SHC3: variants seen among roughly 807,000 people sequenced by gnomAD.
The protein encoded by SHC3 is SHC-transforming protein 3.
A neutral mutation model predicts 60.4 loss-of-function variants in SHC3; 15 were observed. The ratio of observed to expected loss-of-function variants is 0.25; its 90% CI spans 0.17 to 0.38. SHC3 has a LOEUF of 0.38. Ranked by LOEUF, SHC3 falls within the 10% of genes least tolerant of loss-of-function variation. The pLI is 1.00. For missense variants in SHC3, 677 were observed against 786.1 expected, an observed-to-expected ratio of 0.86 and a Z score of 1.66; for synonymous variants, 294 against 325.9, an observed-to-expected ratio of 0.90 and a Z score of 1.05.
chr9:89,117,026 T>C (rs1304162330), intron 1 of SHC3, among the ~76,000 whole-genome samples: 1 of 152,196 alleles, frequency 6.6e-6, no homozygotes, highest in African/African-American at 2.4e-5. Context: ...CAACCGAGTT[T>C]GCAGATTTAT....
At chr9:89,043,768 TC>T (rs1447870401) in intron 9 of SHC3, among the ~76,000 whole-genome samples, 1 of 152,052 alleles carries the variant, frequency 6.6e-6, no homozygotes, top group Non-Finnish European at 1.5e-5. Context: ...TTCTCCTGCC[TC>T]AGCCTCCCGA....
intron 10 of SHC3, among the ~76,000 whole-genome samples, chr9:89,040,476 G>A (rs1181008318): frequency 1.3e-5 from 2 of 151,942 alleles, no homozygotes; most frequent in African/African-American, 2.4e-5. Context: ...GGTAGCTCTG[G>A]TTCTCATTTT....
chr9:89,028,757 C>G (rs972528906), intron 11 of SHC3, among the ~76,000 whole-genome samples: 3 of 143,844 alleles, frequency 2.1e-5, no homozygotes, highest in Admixed American at 7.0e-5. Flanking sequence ...TATATTCTCT[C>G]TATATATATA....
At chr9:89,035,862 T>TA (rs1491088730) in intron 11 of SHC3, among the ~76,000 whole-genome samples, 16,066 of 102,194 alleles carry the variant, frequency 0.16, 1,915 homozygotes, top group East Asian at 0.63. Flanking sequence ...TGTGTGTGTG[T>TA]GTGTGTGTGT....
intron 1 of SHC3, among the ~76,000 whole-genome samples, chr9:89,155,024 T>C (rs1826601935): frequency 6.6e-6 from 1 of 152,256 alleles, no homozygotes; most frequent in Non-Finnish European, 1.5e-5. Flanking sequence ...CTAAGCTGGC[T>C]GCTCAGTCTT....
chr9:89,043,721 C>T (rs936348539), intron 9 of SHC3, among the ~76,000 whole-genome samples: 5 of 151,606 alleles, frequency 3.3e-5, no homozygotes, highest in Non-Finnish European at 5.9e-5. Flanking sequence ...GGCATGATCT[C>T]GGCTCACTGC....
At chr9:89,071,157 A>C (rs372711663) in intron 5 of SHC3, 42 bp downstream of exon 5, 5 of 1,600,278 alleles carry the variant, frequency 3.1e-6, no homozygotes, top group African/African-American at 2.7e-5. Flanking sequence ...CCTTCTCAGA[A>C]ATTCCCAACA....
chr9:89,101,916 A>G (rs1208899837), intron 2 of SHC3, among the ~76,000 whole-genome samples: 1 of 152,108 alleles, frequency 6.6e-6, no homozygotes, highest in Non-Finnish European at 1.5e-5. Context: ...TTTTTTCCTT[A>G]AATGTTTGGT....
In SHC3 at chr9:89,151,159, C is replaced by G. The variant is rs539290454; in HGVS notation, c.474+26828G>C. On this transcript the variant is annotated intron_variant, in intron 1 of 11. Coordinates refer to ENST00000375835, the MANE Select transcript of SHC3 (RefSeq NM_016848.6). ...TCAGCCTCCTGAGTATCTGGGACTA[C>G]AGGCATGTGACACGGTGCCTGGCTA... 3.9e-5 allele frequency among the ~76,000 whole-genome samples: 6 copies of G among 152,262 alleles called. No homozygotes were observed. In the South Asian group the frequency reaches 1.2e-3, roughly 32 times the overall value.
At chr9:89,097,307 G>A (rs578222929) in intron 2 of SHC3, among the ~76,000 whole-genome samples, 370 of 152,154 alleles carry the variant, frequency 2.4e-3, no homozygotes, top group Non-Finnish European at 3.7e-3. Flanking sequence ...ACTTCAAAAG[G>A]AACTATAAGT....
intron 1 of SHC3, among the ~76,000 whole-genome samples, chr9:89,156,374 G>T (rs911900203): frequency 6.6e-6 from 1 of 152,102 alleles, no homozygotes; most frequent in Non-Finnish European, 1.5e-5. Flanking sequence ...CTTCAGGGAA[G>T]ACCCTGAACT....
intron 11 of SHC3, among the ~76,000 whole-genome samples, chr9:89,023,600 A>T (rs898767730): frequency 3.3e-5 from 5 of 152,142 alleles, no homozygotes; most frequent in African/African-American, 1.2e-4. Context: ...TTTACCATCT[A>T]TTCTTACATA....
intron 2 of SHC3, among the ~76,000 whole-genome samples, chr9:89,078,600 G>A (rs1356495066): frequency 6.6e-6 from 1 of 152,174 alleles, no homozygotes; most frequent in Non-Finnish European, 1.5e-5. Context: ...CCAACACGTG[G>A]TTCTGCATGG....
intron 6 of SHC3, among the ~76,000 whole-genome samples, chr9:89,053,501 A>G (rs1824896766): frequency 6.6e-6 from 1 of 152,214 alleles, no homozygotes; most frequent in African/African-American, 2.4e-5. Context: ...GGAGGCAGCC[A>G]GCTAGGCCCT....
chr9:89,065,455 G>A (rs1011088810), intron 6 of SHC3, 74 bp downstream of exon 6: 70 of 1,482,310 alleles, frequency 4.7e-5, no homozygotes, highest in South Asian at 1.1e-4. Flanking sequence ...CTGAGATAAC[G>A]AGGACCAGCT....
intron 1 of SHC3, among the ~76,000 whole-genome samples, chr9:89,113,347 G>A (rs1825976931): frequency 3.3e-5 from 5 of 152,150 alleles, no homozygotes; most frequent in Admixed American, 3.3e-4. Flanking sequence ...CCTTTGGGGA[G>A]TTTGAAGATA....
intron 1 of SHC3, among the ~76,000 whole-genome samples, chr9:89,163,685 G>A (rs559443441): frequency 6.6e-6 from 1 of 150,876 alleles, no homozygotes; most frequent in Non-Finnish European, 1.5e-5. Flanking sequence ...CATGGCACAT[G>A]TATACATATG....
chr9:89,017,649 G>C (rs1826119146), intron 11 of SHC3, among the ~76,000 whole-genome samples: 1 of 152,090 alleles, frequency 6.6e-6, no homozygotes, highest in Admixed American at 6.5e-5. Flanking sequence ...TGACAAATGG[G>C]ATCTAATTAA....
chr9:89,057,473 A>T (rs551933209), intron 6 of SHC3, among the ~76,000 whole-genome samples: 30 of 152,234 alleles, frequency 2.0e-4, no homozygotes, highest in African/African-American at 7.0e-4. Context: ...GTGGGAATTT[A>T]AAAGTCTAAA....
Sources: gnomAD v4.1 joint callset for allele counts (sites outside exome capture counted in the v4.1 genomes callset) on GRCh38, gnomAD v4.1.1 for gene constraint, MANE v1.5 for transcripts, NCBI Gene and HGNC (gene_info 2026-07-23, HGNC 2026-07-21) for gene names.